Variants in PRDM11 observed in about 807,000 individuals in gnomAD.
The protein encoded by PRDM11 is PR/SET domain 11.
PRDM11 carries 20 observed loss-of-function variants against 97.8 expected under a neutral mutation model. The observed-to-expected ratio is 0.20, with a 90% CI of 0.14 to 0.30. PRDM11 has a LOEUF of 0.30. Among genes scored for constraint, PRDM11 ranks in the 10% least tolerant of loss-of-function variants. The pLI is 1.00. For missense variants in PRDM11, 1,139 were observed against 1,555.2 expected, an observed-to-expected ratio of 0.73 and a Z score of 4.50; for synonymous variants, 599 against 637.7, an observed-to-expected ratio of 0.94 and a Z score of 0.91.
intron 1 of PRDM11, among the ~76,000 whole-genome samples, chr11:45,141,304 C>T (rs11038326): frequency 0.023 from 3,556 of 152,262 alleles, 97 homozygotes; most frequent in Middle Eastern, 0.071. Context: ...GCTGCACCCT[C>T]GTGTAGTCCT....
Position 45,181,861 on chromosome 11 carries a change from G to A in PRDM11, c.95G>A (p.Arg32Gln), listed in dbSNP as rs774054273. ...AAGACGGAGGTCTGCTCACCACTCC[G>A]AGACCAGGAGTATGGCCAGCCCTGG... ...VVKTEVCSPLRDQEYGQPCSR... is the reference protein window; with the variant it reads ...VVKTEVCSPLQDQEYGQPCSR... The change falls in exon 2 of 8, where the codon CGA becomes CAA. Residue 32 changes from arginine (R) to glutamine (Q), a missense_variant. Arg to Gln is a conservative substitution (Grantham distance 43, BLOSUM62 1). This residue lies in a region of PRDM11 where 429 missense variants were observed against 510.3 expected (regional missense o/e 0.84). Transcript: ENST00000683152. 2.5e-6 allele frequency: 4 copies of A among 1,613,176 alleles called. No individual in the cohort carries two copies. Among genetic ancestry groups the A allele is most frequent in the South Asian group, 2.2e-5 (2 of 91,038 alleles).
chr11:45,188,859 A>C (rs1336989500), intron 4 of PRDM11, among the ~76,000 whole-genome samples: 2 of 152,206 alleles, frequency 1.3e-5, no homozygotes, highest in Non-Finnish European at 2.9e-5. Flanking sequence ...TTTGGTAAAG[A>C]GGCAGAAGAC....
intron 7 of PRDM11, 178 bp downstream of exon 7, chr11:45,225,021 G>A: frequency 6.9e-7 from 1 of 1,458,750 alleles, no homozygotes; most frequent in African/African-American, 1.4e-5. Flanking sequence ...AGACCCATCG[G>A]CAGCTCTGCC....
chr11:45,147,333 C>CCGCCGGCCTAGTTCTCGCGGA (rs1424055629), intron 1 of PRDM11: 3 of 151,758 alleles, frequency 2.0e-5, no homozygotes, highest in East Asian at 1.9e-4. Flanking sequence ...CTCGCCGCGG[C>CCGCCGGCCTAGTTCTCGCGGA]CGCCGGCCTA....
At chr11:45,183,382 C>G (rs560034358) in intron 4 of PRDM11, among the ~76,000 whole-genome samples, 1 of 152,214 alleles carries the variant, frequency 6.6e-6, no homozygotes, top group Non-Finnish European at 1.5e-5. Context: ...GGCAATTTCC[C>G]CATGAATCCT....
intron 1 of PRDM11, among the ~76,000 whole-genome samples, chr11:45,133,465 A>G (rs1451547108): frequency 6.6e-6 from 1 of 152,202 alleles, no homozygotes; most frequent in African/African-American, 2.4e-5. Flanking sequence ...CTTTTTCTTC[A>G]TAGGTGGGAA....
intron 1 of PRDM11, among the ~76,000 whole-genome samples, chr11:45,163,391 G>T (rs1017121670): frequency 3.3e-5 from 5 of 152,220 alleles, no homozygotes; most frequent in African/African-American, 1.2e-4. Flanking sequence ...CATGGAGCGG[G>T]ATTCCAGTGT....
chr11:45,223,362 C>T (rs1212006326), intron 6 of PRDM11, among the ~76,000 whole-genome samples: 3 of 152,072 alleles, frequency 2.0e-5, no homozygotes, highest in Non-Finnish European at 4.4e-5. Flanking sequence ...CAGGAGCTCA[C>T]CAAAGTCTTT....
At chr11:45,119,655 G>C (rs1046253728) in intron 1 of PRDM11, among the ~76,000 whole-genome samples, 6 of 142,728 alleles carry the variant, frequency 4.2e-5, no homozygotes, top group South Asian at 2.2e-4. Context: ...AAAAACACCT[G>C]GTAAGGCCAT....
rs137888394 is a variant in PRDM11 at position 45,229,465 on chromosome 11, GACAC to G, written c.*1320_*1323del. Reference sequence around the variant, plus strand: ...GACTCTCAAGGCATCAGCCTACACAGACACACACACACACACAGACACACACACA... The same window carrying G: ...GACTCTCAAGGCATCAGCCTACACAGACACACACACACAGACACACACACA... On this transcript the variant is annotated 3_prime_UTR_variant, in exon 8 of 8. Coordinates refer to ENST00000683152, the MANE Select transcript of PRDM11 (RefSeq NM_001384648.1). 5 of 32,548 alleles carry G rather than the reference GACAC, an allele frequency of 1.5e-4. No individual in the cohort carries two copies. The highest frequency in any genetic ancestry group is 2.6e-4 in the African/African-American group (4 of 15,672). The allele number at this position is 32,548 out of a possible 1,614,324, so 2.0% of individuals were successfully genotyped here.
At chr11:45,187,910 G>A (rs1189457516) in intron 4 of PRDM11, among the ~76,000 whole-genome samples, 1 of 152,022 alleles carries the variant, frequency 6.6e-6, no homozygotes, top group Non-Finnish European at 1.5e-5. Context: ...CTGCTCTGCT[G>A]ATGGGTAGGC....
chr11:45,209,924 C>G (rs1003732199), intron 5 of PRDM11, among the ~76,000 whole-genome samples: 2 of 152,144 alleles, frequency 1.3e-5, no homozygotes, highest in African/African-American at 4.8e-5. Context: ...TTAACCAGGC[C>G]AGGCAGCAGC....
rs187418806 is a variant in PRDM11, at chr11:45,119,946, C to T, written c.96+24045C>T. Among the ~76,000 whole-genome samples the T allele has an allele frequency of 1.6e-3, 243 of 152,038 alleles. 2 individuals carry two copies. The highest frequency in any genetic ancestry group is 5.6e-3 in the African/African-American group (232 of 41,448). ...CAGTTACTGGAGTTAGCAGTAAGGA[C>T]ATAAAAACAGCCATGATCAGCATGT... On this transcript the variant is annotated intron_variant, in intron 1 of 6. Coordinates refer to the PRDM11 transcript ENST00000530656.
At chr11:45,098,882 C>T (rs370758990) in intron 1 of PRDM11, among the ~76,000 whole-genome samples, 30 of 152,210 alleles carry the variant, frequency 2.0e-4, no homozygotes, top group African/African-American at 6.7e-4. Flanking sequence ...AGGGTGGGCT[C>T]CTGAGGAGTG....
rs1158752776 is a variant in PRDM11 at position 45,230,145 on chromosome 11, A to G, written c.*1986A>G. 6.7e-6 allele frequency: 1 copy of G among 149,720 alleles called. No homozygotes were observed. The highest frequency in any genetic ancestry group is 6.7e-5 in the Admixed American group (1 of 14,972). The allele number at this position is 149,720 out of a possible 1,614,324, so 9.3% of individuals were successfully genotyped here. A position where few individuals can be genotyped will look rare whatever the true frequency, so the allele number is the denominator to read the frequency against. ...AAATATATTATATATATTATATATTATTTTTGAAATATTTTTGTTTGTTTT... is the reference window on the plus strand; with the variant it reads ...AAATATATTATATATATTATATATTGTTTTTGAAATATTTTTGTTTGTTTT... On this transcript the variant is annotated 3_prime_UTR_variant, in exon 8 of 8. Transcript: ENST00000683152.
intron 4 of PRDM11, among the ~76,000 whole-genome samples, chr11:45,203,018 G>A (rs1853384623): frequency 6.6e-6 from 1 of 152,162 alleles, no homozygotes; most frequent in Non-Finnish European, 1.5e-5. Context: ...GAGTTTTATT[G>A]TAAGTGCAGT....
chr11:45,139,568 C>CAAAAAA (rs10594529), intron 1 of PRDM11, among the ~76,000 whole-genome samples: 37 of 91,408 alleles, frequency 4.0e-4, no homozygotes, highest in African/African-American at 1.6e-3. Context: ...CTCCAACTCA[C>CAAAAAA]AAAAAAAAAA....
rs148756879 is a variant in PRDM11, at chr11:45,183,060, C to G, written c.423C>G (p.Ile141Met). ...CVNEVIPKGH[I>M]FGPYEGQIST... ...ACGAGGTCATCCCCAAGGGCCACAT[C>G]TTCGGCCCCTATGAGGGGCAGATCT... The change falls in exon 4 of 8, where the codon ATC (isoleucine) becomes ATG (methionine). Residue 141 changes from isoleucine to methionine, a missense_variant. By Grantham distance (10) the Ile-to-Met change is conservative. Around this residue, in one of 2 missense-constraint regions of PRDM11, gnomAD observed 429 missense variants for 510.3 expected, o/e 0.84. Transcript: ENST00000683152. 939 of 1,614,004 alleles carry G rather than the reference C, an allele frequency of 5.8e-4. 1 individual carries two copies. Among genetic ancestry groups the G allele is most frequent in the Non-Finnish European group, 7.5e-4 (885 of 1,180,000 alleles).
rs75195629 is a variant in PRDM11 at position 45,098,796 on chromosome 11, T to C, written c.96+2895T>C. On this transcript the variant is annotated intron_variant, in intron 1 of 6. Coordinates refer to the PRDM11 transcript ENST00000530656. Reference sequence around the variant, plus strand: ...GAAGCCTGAGAAAGGTAGTGCTCCATAGTGGGTATGGGAAAGGGCCACACA... The same window carrying C: ...GAAGCCTGAGAAAGGTAGTGCTCCACAGTGGGTATGGGAAAGGGCCACACA... Among the ~76,000 whole-genome samples, 1,262 of 151,990 alleles carry C rather than the reference T, an allele frequency of 8.3e-3. 15 individuals are homozygous for C. The highest frequency in any genetic ancestry group is 0.029 in the African/African-American group (1,213 of 41,444).
Sources: gnomAD v4.1 joint callset for allele counts (sites outside exome capture counted in the v4.1 genomes callset) on GRCh38, gnomAD v4.1.1 for gene constraint, gnomAD v4.1.1 regional missense constraint, MANE v1.5 for transcripts, NCBI Gene and HGNC (gene_info 2026-07-23, HGNC 2026-07-21) for gene names.